HECTD4: variants seen among roughly 807,000 people sequenced by gnomAD.
HECTD4 encodes HECT domain E3 ubiquitin protein ligase 4.
A neutral mutation model predicts 471.5 loss-of-function variants in HECTD4; 114 were observed. The ratio of observed to expected loss-of-function variants is 0.24; its 90% CI spans 0.21 to 0.28. HECTD4 has a LOEUF of 0.28. Among genes scored for constraint, HECTD4 ranks in the 10% least tolerant of loss-of-function variants. The probability of loss-of-function intolerance (pLI) is 1.00; values close to 1 mark genes in which losing one functional copy is unlikely to be tolerated. For missense variants in HECTD4, 3,866 were observed against 5,651.5 expected, an observed-to-expected ratio of 0.68 and a Z score of 10.13; for synonymous variants, 2,012 against 2,256.0, an observed-to-expected ratio of 0.89 and a Z score of 3.07.
chr12:112,219,567 TC>T, intron 44 of HECTD4, 78 bp from the exon 45 acceptor site: 1 of 972,676 alleles, frequency 1.0e-6, no homozygotes, highest in Non-Finnish European at 1.6e-6. Flanking sequence ...TGGAGCAGCA[TC>T]AAAACAATAA....
rs1329496451 is a variant in HECTD4, at chr12:112,319,107, AAAG to A, written c.695+115_695+117del. 2.8e-6 allele frequency: 3 copies of A among 1,084,482 alleles called. No individual in the cohort carries two copies. Among genetic ancestry groups the A allele is most frequent in the Non-Finnish European group, 3.9e-6 (3 of 774,036 alleles). 67.2% of individuals were successfully genotyped at this position (1,084,482 alleles called of 1,614,324 possible). A position where few individuals can be genotyped will look rare whatever the true frequency, so the allele number is the denominator to read the frequency against. On this transcript the variant is annotated intron_variant, in intron 2 of 75. Coordinates refer to ENST00000682272, the MANE Select transcript of HECTD4 (RefSeq NM_001388303.1). The surrounding 1 kb of genome is among the most constrained non-coding windows in gnomAD (Gnocchi z 5.3). ...GGCTGTGAAATTCAATACTGAAAGC[AAAG>A]AAGGACTTCTGAATGTTAAGACTTC...
At chr12:112,240,775 C>T (rs2135577214) in intron 32 of HECTD4, among the ~76,000 whole-genome samples, 1 of 152,258 alleles carries the variant, frequency 6.6e-6, no homozygotes, top group Non-Finnish European at 1.5e-5. Flanking sequence ...AATGAGACAA[C>T]TAAGGCTCAA....
At chr12:112,318,830 C>A (rs1399343463) in intron 2 of HECTD4, among the ~76,000 whole-genome samples, 2 of 152,162 alleles carry the variant, frequency 1.3e-5, no homozygotes, top group Non-Finnish European at 2.9e-5. Flanking sequence ...TTCTTATAGA[C>A]AGGTATGAAA....
Position 112,184,141 on chromosome 12 carries a change from G to T in HECTD4, c.10779+46C>A, listed in dbSNP as rs1287493002. ...AAGATTTAAAGAGGCTTGGGGGATT[G>T]AAATGGGTCATGATTTAGTGGTTGC... On this transcript the variant is annotated intron_variant, in intron 61 of 75. Transcript: ENST00000682272. This position sits in a 1 kb window ranked among gnomAD's most constrained non-coding sequence, Gnocchi z 9.1. 6.7e-7 allele frequency: 1 copy of T among 1,502,162 alleles called. No homozygotes were observed. The highest frequency in any genetic ancestry group is 9.1e-7 in the Non-Finnish European group (1 of 1,099,014). The allele number at this position is 1,502,162 out of a possible 1,614,324, so 93.1% of individuals were successfully genotyped here.
chr12:112,367,228 G>A (rs2036578312), intron 1 of HECTD4, among the ~76,000 whole-genome samples: 1 of 151,258 alleles, frequency 6.6e-6, no homozygotes, highest in South Asian at 2.1e-4. Flanking sequence ...GAACCGGGGA[G>A]GTAGAGGTTG....
At position 112,243,968 on chromosome 12, in the gene HECTD4, C is replaced by T; in HGVS notation, c.4555G>A (p.Val1519Ile). 6.2e-7 allele frequency: 1 copy of T among 1,613,986 alleles called. No homozygotes were observed. Among genetic ancestry groups the T allele is most frequent in the Non-Finnish European group, 8.5e-7 (1 of 1,179,884 alleles). ...CTGCGAAGAAAAACAGGCTGCCTGA[C>T]AGCGTGAGATATCACTTTTGTTTCA... ...ASETKVISHAVRQPVFLRSMS... is the reference protein window; with the variant it reads ...ASETKVISHAIRQPVFLRSMS... Residue 1519 changes from valine to isoleucine, a missense_variant, in exon 30 of 76, where the codon GTC becomes ATC. Around this residue, in one of 16 missense-constraint regions of HECTD4, gnomAD observed 49 missense variants for 43.6 expected, o/e 1.12. Coordinates refer to ENST00000682272, the MANE Select transcript of HECTD4 (RefSeq NM_001388303.1). The surrounding 1 kb of genome is among the most constrained non-coding windows in gnomAD (Gnocchi z 6.6).
intron 1 of HECTD4, among the ~76,000 whole-genome samples, chr12:112,364,019 C>CAAAAAAAAAAAAAAAAAAAAAAAAAAA (rs2036509702): frequency 1.7e-5 from 2 of 118,556 alleles, no homozygotes; most frequent in African/African-American, 3.3e-5. Flanking sequence ...AAAAAAAAAT[C>CAAAAAAAAAAAAAAAAAAAAAAAAAAA]AAAGGTCGTG....
At chr12:112,168,412 G>A (rs1043972492) in intron 70 of HECTD4, among the ~76,000 whole-genome samples, 35 of 152,206 alleles carry the variant, frequency 2.3e-4, no homozygotes, top group Non-Finnish European at 3.1e-4. Flanking sequence ...ATGTGTGAAT[G>A]TGCAAAGGGC....
At chr12:112,324,042 C>T (rs1181346215) in intron 1 of HECTD4, among the ~76,000 whole-genome samples, 2 of 47,074 alleles carry the variant, frequency 4.2e-5, no homozygotes, top group Non-Finnish European at 6.5e-5. Flanking sequence ...TCCTTCCTTC[C>T]TTCCTTTCTT....
At chr12:112,348,963 G>A (rs1594065052) in intron 1 of HECTD4, among the ~76,000 whole-genome samples, 1 of 151,978 alleles carries the variant, frequency 6.6e-6, no homozygotes, top group East Asian at 1.9e-4. Flanking sequence ...TTTCCAAGTT[G>A]TTTACAATAA....
At chr12:112,297,454 C>A (rs2035065030) in intron 7 of HECTD4, among the ~76,000 whole-genome samples, 1 of 151,812 alleles carries the variant, frequency 6.6e-6, no homozygotes, top group African/African-American at 2.4e-5. Context: ...CAGTGGGGAC[C>A]CAATCATTCA....
intron 70 of HECTD4, among the ~76,000 whole-genome samples, chr12:112,168,181 C>T (rs140229747): frequency 1.1e-3 from 166 of 152,260 alleles, no homozygotes; most frequent in African/African-American, 3.6e-3. Context: ...GGAGAGTGAC[C>T]GTACCTACCC....
intron 7 of HECTD4, among the ~76,000 whole-genome samples, chr12:112,293,058 T>C (rs895117977): frequency 4.0e-5 from 6 of 150,830 alleles, no homozygotes; most frequent in African/African-American, 7.3e-5. Flanking sequence ...AGGGATGTTA[T>C]TGAGGGGATT....
intron 1 of HECTD4, among the ~76,000 whole-genome samples, chr12:112,372,310 A>C (rs1199398530): frequency 2.0e-5 from 3 of 151,684 alleles, no homozygotes; most frequent in Non-Finnish European, 4.4e-5. Flanking sequence ...CCCAGTCTGG[A>C]GTGCAGTGGC....
chr12:112,303,676 C>T (rs989898540), intron 7 of HECTD4, among the ~76,000 whole-genome samples: 1 of 151,698 alleles, frequency 6.6e-6, no homozygotes, highest in Non-Finnish European at 1.5e-5. Flanking sequence ...ATGGTGAAAC[C>T]CTGTCTCTAC....
intron 44 of HECTD4, among the ~76,000 whole-genome samples, chr12:112,224,094 T>C (rs1213768883): frequency 6.6e-6 from 1 of 152,142 alleles, no homozygotes; most frequent in Non-Finnish European, 1.5e-5. Context: ...CTGAGTATAG[T>C]CTATGCCTCC....
At chr12:112,223,248 G>A (rs1360081500) in intron 44 of HECTD4, among the ~76,000 whole-genome samples, 1 of 152,168 alleles carries the variant, frequency 6.6e-6, no homozygotes, top group Non-Finnish European at 1.5e-5. Flanking sequence ...ACATTAGGAA[G>A]CTGGGAGAAG....
chr12:112,170,515 A>G, intron 68 of HECTD4, 63 bp from the exon 69 acceptor site: 1 of 1,581,822 alleles, frequency 6.3e-7, no homozygotes, highest in Non-Finnish European at 8.6e-7. Flanking sequence ...CAGTCCCCCC[A>G]AGACTCTCTT....
At chr12:112,378,129 T>C (rs2036817899) in intron 1 of HECTD4, among the ~76,000 whole-genome samples, 1 of 152,188 alleles carries the variant, frequency 6.6e-6, no homozygotes, top group South Asian at 2.1e-4. Context: ...CCTCATCTTC[T>C]GATCACTGAG....
Sources: allele counts gnomAD v4.1 joint callset (sites outside exome capture counted in the v4.1 genomes callset), GRCh38; gene constraint gnomAD v4.1.1; regional missense constraint gnomAD v4.1.1; non-coding constraint Gnocchi (gnomAD v3.1); transcripts MANE v1.5; gene names NCBI Gene and HGNC (gene_info 2026-07-23, HGNC 2026-07-21).